The following ABL2 variants were observed in gnomAD, a reference collection of about 807,000 sequenced individuals.
ABL2 encodes ABL proto-oncogene 2, non-receptor tyrosine kinase.
In ABL2, 49 loss-of-function variants were observed where a neutral mutation model predicts 107.7. The observed-to-expected ratio is 0.45, with a 90% CI of 0.36 to 0.58. The LOEUF is 0.58. Among genes scored for constraint, ABL2 ranks in the 20% least tolerant of loss-of-function variants. The pLI is 0.00. For synonymous variants in ABL2, 549 were observed against 548.6 expected, an observed-to-expected ratio of 1.00 and a Z score of -0.01; for missense variants, 1,245 against 1,457.0, an observed-to-expected ratio of 0.85 and a Z score of 2.37.
intron 1 of ABL2, among the ~76,000 whole-genome samples, chr1:179,136,073 C>G (rs1453941006): frequency 7.0e-6 from 1 of 143,328 alleles, no homozygotes. Context: ...CCGCCCCGTC[C>G]AGGAGGGAGG....
intron 11 of ABL2, 85 bp downstream of exon 11, chr1:179,110,197 G>T: frequency 6.6e-7 from 1 of 1,505,434 alleles, no homozygotes; most frequent in Non-Finnish European, 9.2e-7. Flanking sequence ...GGACGGGCAT[G>T]AAAGTGGACA....
chr1:179,121,416 G>T (rs1427639090), intron 5 of ABL2, among the ~76,000 whole-genome samples, 179 bp downstream of exon 5: 1 of 152,204 alleles, frequency 6.6e-6, no homozygotes, highest in Non-Finnish European at 1.5e-5. Context: ...GCATTGCAGT[G>T]AATAATCTAC....
intron 1 of ABL2, among the ~76,000 whole-genome samples, chr1:179,153,519 C>A (rs1459179813): frequency 6.6e-6 from 1 of 152,160 alleles, no homozygotes; most frequent in African/African-American, 2.4e-5. Context: ...AACCCATCGT[C>A]AAGGCCAGGA....
At chr1:179,173,190 C>CAAA (rs35126707) in intron 1 of ABL2, among the ~76,000 whole-genome samples, 1 of 104,320 alleles carries the variant, frequency 9.6e-6, no homozygotes, top group Admixed American at 9.8e-5. Context: ...AACTCGGCCT[C>CAAA]AAAAAAAAAA....
chr1:179,161,434 T>C (rs1659063839), intron 1 of ABL2, among the ~76,000 whole-genome samples: 1 of 152,050 alleles, frequency 6.6e-6, no homozygotes, highest in Non-Finnish European at 1.5e-5. Context: ...TAATGAGTAC[T>C]TGGCCAGGTG....
intron 1 of ABL2, among the ~76,000 whole-genome samples, chr1:179,135,818 G>C (rs1378604008): frequency 6.9e-6 from 1 of 145,040 alleles, no homozygotes; most frequent in Non-Finnish European, 1.5e-5. Flanking sequence ...CCGTCCGGGA[G>C]GGAGGGAGGT....
intron 10 of ABL2, chr1:179,110,797 C>G (rs374378889): frequency 1.2e-6 from 2 of 1,613,806 alleles, no homozygotes; most frequent in Non-Finnish European, 1.7e-6. Context: ...TGCTCTGTGT[C>G]TTTTGGTTCA....
At position 179,130,726 on chromosome 1, in the gene ABL2, T is replaced by TTTTTTTTG. The variant is rs1553220073; in HGVS notation, c.391+584_391+585insCAAAAAAA. 2.9e-3 allele frequency among the ~76,000 whole-genome samples: 414 copies of TTTTTTTTG among 142,810 alleles called. 4 individuals carry two copies. The highest frequency in any genetic ancestry group is 1.0e-2 in the African/African-American group (383 of 38,436). 93.7% of individuals were successfully genotyped at this position (142,810 alleles called of 152,430 possible). ...CAAATAAAATCAATCATTATTGATT[T>TTTTTTTTG]TGTGTGTGTGTGTGTGTGTGTGTGT... is the stretch of plus-strand genomic sequence containing the variant. On this transcript the variant is annotated intron_variant, in intron 3 of 11. Coordinates refer to ENST00000502732, the MANE Select transcript of ABL2 (RefSeq NM_007314.4).
chr1:179,124,367 T>C (rs1160748478), intron 4 of ABL2, among the ~76,000 whole-genome samples: 1 of 151,558 alleles, frequency 6.6e-6, no homozygotes, highest in Non-Finnish European at 1.5e-5. Context: ...AATTATAACA[T>C]GATCAGCACC....
At chr1:179,138,683 C>G (rs537018536) in intron 1 of ABL2, among the ~76,000 whole-genome samples, 1 of 152,298 alleles carries the variant, frequency 6.6e-6, no homozygotes, top group East Asian at 1.9e-4. Flanking sequence ...GCTGGCAGTC[C>G]TCACAGCCCT....
At chr1:179,132,378 A>C (rs1258587653) in intron 2 of ABL2, among the ~76,000 whole-genome samples, 2 of 152,184 alleles carry the variant, frequency 1.3e-5, no homozygotes, top group Non-Finnish European at 2.9e-5. Context: ...CTCACAGCCC[A>C]GATCGATTAT....
In ABL2 at chr1:179,114,216, C is replaced by G. The variant is rs1307453477; in HGVS notation, c.1561+662G>C. ...GTTGCAAAGATTGTGCCACTGCACT[C>G]CAGCATGGGCAACATAGTGAGAGTC... On this transcript the variant is annotated intron_variant, in intron 9 of 11. Transcript: ENST00000502732. 2.0e-5 allele frequency among the ~76,000 whole-genome samples: 3 copies of G among 151,978 alleles called. No homozygotes were observed. In the East Asian group the frequency reaches 5.8e-4, roughly 29 times the overall value.
intron 1 of ABL2, among the ~76,000 whole-genome samples, chr1:179,173,839 T>TA: frequency 8.1e-6 from 1 of 123,962 alleles, no homozygotes; most frequent in Non-Finnish European, 1.8e-5. Context: ...CTTACCTGGA[T>TA]ATTAATTTAA....
Position 179,131,438 on chromosome 1 carries a change from T to C in ABL2, c.264A>G (p.Ala88=), listed in dbSNP as rs779266095. 2.5e-6 allele frequency: 4 copies of C among 1,613,986 alleles called. No individual in the cohort carries two copies. In the African/African-American group the frequency reaches 5.3e-5, roughly 22 times the overall value. Residue 88 remains alanine, a synonymous_variant, in exon 3 of 12, where the codon GCA becomes GCG. Coordinates refer to ENST00000502732, the MANE Select transcript of ABL2 (RefSeq NM_007314.4). ...AGCTCCACCTGATAGCCTCATTTAG[T>C]GCCTGGGGTTCAACATCACAACCAT... ...RPYGCDVEPQ[A]LNEAIRWSSK... is the part of the protein sequence containing the mutation.
chr1:179,116,074 T>G (rs1356999482), intron 8 of ABL2, among the ~76,000 whole-genome samples: 1 of 149,282 alleles, frequency 6.7e-6, no homozygotes, highest in Non-Finnish European at 1.5e-5. Context: ...TGCAAATGAG[T>G]GATAAAACCT....
chr1:179,229,542 AC>A lies in ABL2; in HGVS notation c.-146del. On this transcript the variant is annotated 5_prime_UTR_variant, in exon 1 of 12. Transcript: ENST00000502732. Reference sequence around the variant, plus strand: ...GTGGCTGGGCCACCGGCGGCTCCGCACCCGGCCTCCTCACGGCAGCCGCCGC... The same window carrying A: ...GTGGCTGGGCCACCGGCGGCTCCGCACCGGCCTCCTCACGGCAGCCGCCGC... The A allele has an allele frequency of 1.3e-6, 1 of 794,596 alleles. No individual in the cohort carries two copies. Among genetic ancestry groups the A allele is most frequent in the Non-Finnish European group, 1.8e-6 (1 of 561,654 alleles). 49.2% of individuals were successfully genotyped at this position (794,596 alleles called of 1,614,324 possible).
At chr1:179,201,845 CA>C in intron 1 of ABL2, 1 of 1,278,302 alleles carries the variant, frequency 7.8e-7, no homozygotes, top group South Asian at 1.4e-5. Flanking sequence ...CAGAAGAAGA[CA>C]AAAGGACTCT....
chr1:179,217,470 A>G (rs1443029291), intron 1 of ABL2, among the ~76,000 whole-genome samples: 1 of 151,894 alleles, frequency 6.6e-6, no homozygotes, highest in African/African-American at 2.4e-5. Context: ...TACTAAAAAC[A>G]CAAAAATTAG....
chr1:179,107,496 T>C lies in ABL2; in HGVS notation c.*222A>G. Reference sequence around the variant, plus strand: ...CAGTGCAGTTTCCAACCCTGTCCACTACTGCCTTGCCCCCACTTAATTTAC... The same window carrying C: ...CAGTGCAGTTTCCAACCCTGTCCACCACTGCCTTGCCCCCACTTAATTTAC... On this transcript the variant is annotated 3_prime_UTR_variant, in exon 12 of 12. Transcript: ENST00000502732. 2.5e-6 allele frequency: 2 copies of C among 813,654 alleles called. No homozygotes were observed. Among genetic ancestry groups the C allele is most frequent in the Non-Finnish European group, 1.8e-6 (1 of 561,238 alleles). The allele number at this position is 813,654 out of a possible 1,614,324, so 50.4% of individuals were successfully genotyped here.
Sources: allele counts gnomAD v4.1 joint callset (sites outside exome capture counted in the v4.1 genomes callset), GRCh38; gene constraint gnomAD v4.1.1; transcripts MANE v1.5; gene names NCBI Gene and HGNC (gene_info 2026-07-23, HGNC 2026-07-21).